The following AGO3 variants were observed in gnomAD, a reference collection of about 807,000 sequenced individuals.
AGO3 encodes argonaute RISC catalytic component 3.
In AGO3, 16 loss-of-function variants were observed where a neutral mutation model predicts 105.5. The ratio of observed to expected loss-of-function variants is 0.15; its 90% CI spans 0.10 to 0.23. The LOEUF is 0.23. Among genes scored for constraint, AGO3 ranks in the 10% least tolerant of loss-of-function variants. AGO3 has a pLI of 1.00. For missense variants in AGO3, 534 were observed against 1,088.0 expected, an observed-to-expected ratio of 0.49 and a Z score of 7.16; for synonymous variants, 340 against 367.3, an observed-to-expected ratio of 0.93 and a Z score of 0.85.
At chr1:36,022,409 G>A (rs1024226959) in intron 11 of AGO3, among the ~76,000 whole-genome samples, 1 of 152,110 alleles carries the variant, frequency 6.6e-6, no homozygotes, top group Non-Finnish European at 1.5e-5. Flanking sequence ...CATTTTGAAT[G>A]TTCTACTATA....
chr1:36,025,417 A>C (rs1327945963), intron 11 of AGO3, among the ~76,000 whole-genome samples: 1 of 152,112 alleles, frequency 6.6e-6, no homozygotes, highest in Admixed American at 6.5e-5. Flanking sequence ...CAAAAAAAAA[A>C]AAAAACAAAA....
rs544081035 is a variant in AGO3 at position 35,941,134 on chromosome 1, T to C, written c.20-4558T>C. On this transcript the variant is annotated intron_variant, in intron 1 of 18. Transcript: ENST00000373191. ...CTTGCTACTATCACTGAGTCTTTCC[T>C]ATCTCAGTAAATGACACTTCTGTTC... Among the ~76,000 whole-genome samples, 5 of 152,324 alleles carry C rather than the reference T, an allele frequency of 3.3e-5. No individual in the cohort carries two copies. In the East Asian group the frequency reaches 5.8e-4, roughly 18 times the overall value.
intron 5 of AGO3, among the ~76,000 whole-genome samples, chr1:35,978,873 A>G (rs1646999197): frequency 6.6e-6 from 1 of 152,232 alleles, no homozygotes; most frequent in African/African-American, 2.4e-5. Context: ...CGTATTACAA[A>G]GCTTCTAATA....
chr1:36,011,521 A>G (rs1025036003), intron 9 of AGO3, among the ~76,000 whole-genome samples: 9 of 152,188 alleles, frequency 5.9e-5, no homozygotes, highest in East Asian at 5.8e-4. Flanking sequence ...CTTTGTCTAT[A>G]AAAGTCTCAA....
chr1:35,995,921 C>A (rs941617863), intron 5 of AGO3, among the ~76,000 whole-genome samples: 3 of 152,154 alleles, frequency 2.0e-5, no homozygotes, highest in African/African-American at 7.2e-5. Flanking sequence ...TCAAGTGATG[C>A]ACCCACCTAG....
Position 36,071,620 on chromosome 1 carries a change from C to A in AGO3, c.*15875C>A, listed in dbSNP as rs1482697118. On this transcript the variant is annotated 3_prime_UTR_variant, in exon 19 of 19. Transcript: ENST00000373191. ...CCCCTCTGTCTTATGCCTGGCCTGG[C>A]CTTTTTTGTTGTTGTTGGCTTTTCA... 6.6e-6 allele frequency: 1 copy of A among 152,076 alleles called. No individual in the cohort carries two copies. The highest frequency in any genetic ancestry group is 1.9e-4 in the East Asian group (1 of 5,198). The allele number at this position is 152,076 out of a possible 1,614,324, so 9.4% of individuals were successfully genotyped here.
intron 5 of AGO3, among the ~76,000 whole-genome samples, chr1:36,001,142 C>T (rs935700001): frequency 2.6e-5 from 4 of 151,658 alleles, no homozygotes; most frequent in South Asian, 4.2e-4. Context: ...GGCTGAGGCA[C>T]GAGAATTGTC....
intron 16 of AGO3, chr1:36,043,204 A>C: frequency 5.0e-6 from 2 of 399,034 alleles, no homozygotes; most frequent in South Asian, 1.4e-4. Context: ...GGGGTCAACT[A>C]TCAGCTAAGC....
At chr1:35,992,556 A>G (rs894740038) in intron 5 of AGO3, among the ~76,000 whole-genome samples, 4 of 152,190 alleles carry the variant, frequency 2.6e-5, no homozygotes, top group Admixed American at 1.3e-4. Flanking sequence ...TGAGAAAGGA[A>G]TGAAATGAAG....
At chr1:35,979,743 T>C (rs1398503199) in intron 5 of AGO3, among the ~76,000 whole-genome samples, 1 of 152,218 alleles carries the variant, frequency 6.6e-6, no homozygotes, top group Non-Finnish European at 1.5e-5. Context: ...TTTTGTACTT[T>C]TTGACCAAAA....
intron 5 of AGO3, among the ~76,000 whole-genome samples, chr1:35,997,233 C>T (rs1276424251): frequency 8.6e-5 from 13 of 151,458 alleles, no homozygotes; most frequent in Non-Finnish European, 1.5e-5. Context: ...GAACTGAGAT[C>T]ATGCCACTGC....
At chr1:35,941,520 T>A (rs916912625) in intron 1 of AGO3, among the ~76,000 whole-genome samples, 1 of 152,174 alleles carries the variant, frequency 6.6e-6, no homozygotes, top group Non-Finnish European at 1.5e-5. Flanking sequence ...AATGTGGTAT[T>A]GGTGAAAGAA....
chr1:35,945,207 TC>T (rs1237137733), intron 1 of AGO3, among the ~76,000 whole-genome samples: 2 of 137,478 alleles, frequency 1.5e-5, no homozygotes, highest in African/African-American at 6.1e-5. Context: ...TCTTTTCTTT[TC>T]TTTTCTTTTT....
At chr1:35,971,506 A>G (rs2148774233) in intron 3 of AGO3, among the ~76,000 whole-genome samples, 1 of 151,466 alleles carries the variant, frequency 6.6e-6, no homozygotes, top group South Asian at 2.1e-4. Context: ...ATGCTTCCAA[A>G]TTTCAAAAGT....
chr1:36,034,298 C>T lies in AGO3; in HGVS notation c.1716C>T (p.Leu572=), dbSNP rs377736680. Residue 572 remains leucine (L), a synonymous_variant, in exon 13 of 19, where the codon CTC becomes CTT. Coordinates refer to ENST00000373191, the MANE Select transcript of AGO3 (RefSeq NM_024852.4). ...SNLCLKINVK[L]GGINNILVPH... ...TGTGCCTAAAGATAAATGTTAAACT[C>T]GGAGGGATCAATAATATTCTTGTAC... 38 of 1,606,550 alleles carry T rather than the reference C, an allele frequency of 2.4e-5. No individual in the cohort carries two copies. Among genetic ancestry groups the T allele is most frequent in the Middle Eastern group, 3.3e-4 (2 of 6,024 alleles).
rs959427732 is a variant in AGO3, at chr1:36,036,054, T to A, written c.1752-123T>A. 161 of 652,068 alleles carry A rather than the reference T, an allele frequency of 2.5e-4. 1 individual carries two copies. The highest frequency in any genetic ancestry group is 1.5e-3 in the Middle Eastern group (4 of 2,584). The allele number at this position is 652,068 out of a possible 1,614,324, so 40.4% of individuals were successfully genotyped here. A position where few individuals can be genotyped will look rare whatever the true frequency, so the allele number is the denominator to read the frequency against. ...TCTCAAAAAAAAAAAAAAAAAAAAA[T>A]TTGGATTACATAGGACTTCCTCTGT... On this transcript the variant is annotated intron_variant, in intron 13 of 18. Transcript: ENST00000373191.
intron 9 of AGO3, among the ~76,000 whole-genome samples, chr1:36,010,377 G>A (rs997172956): frequency 2.6e-5 from 4 of 152,046 alleles, no homozygotes; most frequent in Non-Finnish European, 5.9e-5. Flanking sequence ...GCCAAGGCGG[G>A]TGGATCACTT....
Position 36,004,369 on chromosome 1 carries a change from A to G in AGO3, c.687A>G (p.Gln229=). The change falls in exon 6 of 19, where the codon CAA becomes CAG. Residue 229 remains glutamine, a synonymous_variant. Coordinates refer to ENST00000373191, the MANE Select transcript of AGO3 (RefSeq NM_024852.4). ...CTGCCACTGCCTTCTACAAAGCACA[A>G]CCTGTAATTCAGTTCATGTGTGAAG... The part of the protein sequence containing the change: ...DVSATAFYKA[Q]PVIQFMCEVL... 2 of 1,608,904 alleles carry G rather than the reference A, an allele frequency of 1.2e-6. No homozygotes were observed. Among genetic ancestry groups the G allele is most frequent in the East Asian group, 2.2e-5 (1 of 44,778 alleles).
intron 5 of AGO3, among the ~76,000 whole-genome samples, chr1:36,002,498 T>A (rs980995678): frequency 2.0e-5 from 3 of 150,930 alleles, no homozygotes; most frequent in African/African-American, 7.3e-5. Flanking sequence ...CCTGGCTAAT[T>A]TTTTTGTATT....
Sources: allele counts gnomAD v4.1 joint callset (sites outside exome capture counted in the v4.1 genomes callset), GRCh38; gene constraint gnomAD v4.1.1; transcripts MANE v1.5; gene names NCBI Gene and HGNC (gene_info 2026-07-23, HGNC 2026-07-21).